ZNF385D: variants seen among roughly 807,000 people sequenced by gnomAD.
The protein encoded by ZNF385D is zinc finger protein 385D, also known as zinc finger protein 659.
A neutral mutation model predicts 35.8 loss-of-function variants in ZNF385D; 15 were observed. The observed-to-expected ratio is 0.42, with a 90% CI of 0.28 to 0.64. ZNF385D has a LOEUF of 0.64. Among genes scored for constraint, ZNF385D ranks in the 30% least tolerant of loss-of-function variants. The pLI is 0.23. For missense variants in ZNF385D, 474 were observed against 494.6 expected (o/e 0.96, Z 0.39); for synonymous variants, 212 against 186.8 (o/e 1.13, Z -1.10).
chr3:21,533,976 C>T (rs1430185093), intron 3 of ZNF385D, among the ~76,000 whole-genome samples: 1 of 151,908 alleles, frequency 6.6e-6, no homozygotes, highest in African/African-American at 2.4e-5. Flanking sequence ...TATTTTGATG[C>T]CAATATCAAA....
chr3:21,571,158 C>A (rs753709602), intron 2 of ZNF385D, among the ~76,000 whole-genome samples: 18 of 152,176 alleles, frequency 1.2e-4, no homozygotes, highest in Non-Finnish European at 2.4e-4. Flanking sequence ...CAGTCCTGTA[C>A]TTGGCAAGTC....
chr3:22,043,107 C>G (rs954846752), intron 3 of ZNF385D, among the ~76,000 whole-genome samples: 1 of 152,134 alleles, frequency 6.6e-6, no homozygotes, highest in Non-Finnish European at 1.5e-5. Flanking sequence ...GAGAATAAAG[C>G]TGCAGTCATT....
At chr3:21,497,823 T>G (rs2125427693) in intron 4 of ZNF385D, among the ~76,000 whole-genome samples, 1 of 152,220 alleles carries the variant, frequency 6.6e-6, no homozygotes, top group Non-Finnish European at 1.5e-5. Flanking sequence ...CACTCCAGCT[T>G]GGGCAACAGA....
intron 2 of ZNF385D, among the ~76,000 whole-genome samples, chr3:21,567,478 C>A (rs545946881): frequency 8.5e-5 from 13 of 152,122 alleles, no homozygotes; most frequent in Non-Finnish European, 1.9e-4. Flanking sequence ...GCTTCAATAG[C>A]CCTCATTCTG....
chr3:22,165,572 C>G (rs905817329), intron 3 of ZNF385D, among the ~76,000 whole-genome samples: 6 of 152,188 alleles, frequency 3.9e-5, no homozygotes, highest in Non-Finnish European at 8.8e-5. Flanking sequence ...ACTCTTTATC[C>G]TACTAAATGT....
chr3:22,163,302 T>C (rs536008653), intron 3 of ZNF385D, among the ~76,000 whole-genome samples: 4 of 152,276 alleles, frequency 2.6e-5, no homozygotes, highest in South Asian at 4.1e-4. Context: ...GTGGTATACA[T>C]GCATTCTATA....
intron 2 of ZNF385D, among the ~76,000 whole-genome samples, chr3:22,361,627 T>C (rs113165756): frequency 2.0e-5 from 3 of 152,206 alleles, no homozygotes; most frequent in African/African-American, 7.2e-5. Context: ...TACTATCATT[T>C]TCCTCCAGTG....
chr3:22,182,650 A>G (rs941653790), intron 2 of ZNF385D, among the ~76,000 whole-genome samples: 3 of 151,846 alleles, frequency 2.0e-5, no homozygotes, highest in African/African-American at 7.3e-5. Flanking sequence ...GGTAGTATTC[A>G]TTTTTCACTA....
intron 3 of ZNF385D, among the ~76,000 whole-genome samples, chr3:21,974,223 G>A (rs1421098213): frequency 6.6e-6 from 1 of 151,960 alleles, no homozygotes; most frequent in African/African-American, 2.4e-5. Flanking sequence ...CATATAAACA[G>A]ACATATAGAC....
intron 3 of ZNF385D, among the ~76,000 whole-genome samples, chr3:21,806,143 T>C (rs377432365): frequency 4.6e-5 from 7 of 152,216 alleles, no homozygotes; most frequent in East Asian, 3.9e-4. Flanking sequence ...CCTGCCTTCT[T>C]CCTTTCTCCC....
chr3:21,771,128 A>G (rs1041294933), intron 3 of ZNF385D, among the ~76,000 whole-genome samples: 1 of 151,764 alleles, frequency 6.6e-6, no homozygotes, highest in African/African-American at 2.4e-5. Flanking sequence ...ATTAGGAGAT[A>G]TACCTAATGT....
At chr3:21,768,747 T>C (rs2070944202) in intron 3 of ZNF385D, among the ~76,000 whole-genome samples, 1 of 151,912 alleles carries the variant, frequency 6.6e-6, no homozygotes, top group African/African-American at 2.4e-5. Flanking sequence ...CTGTTGTACT[T>C]CCCTCCATTG....
chr3:22,286,253 C>T (rs896413129), intron 2 of ZNF385D, among the ~76,000 whole-genome samples: 34 of 152,180 alleles, frequency 2.2e-4, no homozygotes, highest in African/African-American at 7.2e-4. Flanking sequence ...GTGTGATGTA[C>T]TAATATCCGC....
At chr3:21,467,219 C>T (rs149719526) in intron 4 of ZNF385D, among the ~76,000 whole-genome samples, 2 of 152,306 alleles carry the variant, frequency 1.3e-5, no homozygotes, top group Non-Finnish European at 2.9e-5. Flanking sequence ...TTGCTTGAAC[C>T]TGACTTACTT....
chr3:22,217,351 A>G (rs1697952121), intron 2 of ZNF385D, among the ~76,000 whole-genome samples: 1 of 152,018 alleles, frequency 6.6e-6, no homozygotes, highest in East Asian at 1.9e-4. Flanking sequence ...TTCTGTTTCT[A>G]AGGAACTGTG....
At chr3:22,224,065 T>A (rs1046717732) in intron 2 of ZNF385D, among the ~76,000 whole-genome samples, 2 of 152,138 alleles carry the variant, frequency 1.3e-5, no homozygotes, top group Non-Finnish European at 1.5e-5. Context: ...CCCAAGTATA[T>A]GCAAGACACT....
At chr3:22,227,848 C>G (rs1413531076) in intron 2 of ZNF385D, among the ~76,000 whole-genome samples, 2 of 152,164 alleles carry the variant, frequency 1.3e-5, no homozygotes, top group Non-Finnish European at 2.9e-5. Context: ...GACTGCAGAA[C>G]TACCTCTGAG....
intron 1 of ZNF385D, among the ~76,000 whole-genome samples, chr3:21,678,827 C>T (rs2125305832): frequency 6.6e-6 from 1 of 152,236 alleles, no homozygotes; most frequent in Non-Finnish European, 1.5e-5. Context: ...TTTCCAAGTG[C>T]TAAATATTTG....
At chr3:21,837,768 A>G (rs915512727) in intron 3 of ZNF385D, among the ~76,000 whole-genome samples, 8 of 151,840 alleles carry the variant, frequency 5.3e-5, no homozygotes, top group African/African-American at 1.4e-4. Flanking sequence ...GCTACTCAGG[A>G]GGCTGAGACA....
Sources: allele counts gnomAD v4.1 joint callset (sites outside exome capture counted in the v4.1 genomes callset), GRCh38; gene constraint gnomAD v4.1.1; transcripts MANE v1.5; gene names NCBI Gene and HGNC (gene_info 2026-07-23, HGNC 2026-07-21).